The following CNNM2 variants were observed in gnomAD, a reference collection of about 807,000 sequenced individuals.
The protein encoded by CNNM2 is cyclin and CBS domain divalent metal cation transport mediator 2.
A neutral mutation model predicts 66.9 loss-of-function variants in CNNM2; 12 were observed. That is an observed-to-expected ratio of 0.18 (90% CI 0.11 to 0.29). The LOEUF (loss-of-function observed/expected upper bound fraction) is 0.29, where lower values mean the gene tolerates loss of function less well. CNNM2 is among the 10% of genes least tolerant of loss of function. CNNM2 has a pLI of 1.00. For missense variants in CNNM2, 705 were observed against 1,167.7 expected (o/e 0.60, Z 5.77); for synonymous variants, 557 against 501.8 (o/e 1.11, Z -1.47).
intron 1 of CNNM2, among the ~76,000 whole-genome samples, chr10:103,035,172 C>T (rs2064912522): frequency 6.6e-6 from 1 of 151,974 alleles, no homozygotes; most frequent in South Asian, 2.1e-4. Context: ...TTCTACTAAA[C>T]GGACTACTAA....
intron 1 of CNNM2, among the ~76,000 whole-genome samples, chr10:103,000,150 C>T (rs1169669051): frequency 1.3e-5 from 2 of 151,874 alleles, no homozygotes; most frequent in Non-Finnish European, 2.9e-5. Flanking sequence ...GCAGGAGACT[C>T]GCTTGAACCT....
chr10:102,983,095 G>T (rs1277350347), intron 1 of CNNM2, among the ~76,000 whole-genome samples: 2 of 151,838 alleles, frequency 1.3e-5, no homozygotes, highest in Non-Finnish European at 2.9e-5. Flanking sequence ...CTTTGATATT[G>T]ATTTTAATTG....
chr10:103,018,686 C>CTTTTTTTTTTTTTTTT (rs370000130), intron 1 of CNNM2, among the ~76,000 whole-genome samples: 4 of 116,294 alleles, frequency 3.4e-5, no homozygotes, highest in East Asian at 2.4e-4. Context: ...CTCTTCTTTC[C>CTTTTTTTTTTTTTTTT]TTTTTTTTTT....
chr10:102,980,067 C>G (rs2063695802), intron 1 of CNNM2, among the ~76,000 whole-genome samples: 1 of 152,060 alleles, frequency 6.6e-6, no homozygotes, highest in Admixed American at 6.5e-5. Flanking sequence ...GCACGTGCCA[C>G]CAAGCCCAGC....
intron 1 of CNNM2, 52 bp from the exon 2 acceptor site, chr10:103,049,655 T>G (rs2065184646): frequency 6.4e-7 from 1 of 1,555,560 alleles, no homozygotes; most frequent in Non-Finnish European, 8.8e-7. Context: ...ATATAACATG[T>G]CATTCAGAAA....
intron 4 of CNNM2, among the ~76,000 whole-genome samples, chr10:103,065,606 C>T (rs776087457): frequency 6.6e-6 from 1 of 152,146 alleles, no homozygotes; most frequent in African/African-American, 2.4e-5. Flanking sequence ...CACAAAAGGC[C>T]CTGTAACTTG....
chr10:102,956,886 G>A (rs1438709160), intron 1 of CNNM2, among the ~76,000 whole-genome samples: 1 of 152,158 alleles, frequency 6.6e-6, no homozygotes, highest in Non-Finnish European at 1.5e-5. Flanking sequence ...TAATGTAAAC[G>A]ACGAGTTAAT....
chr10:103,074,923 G>A (rs1244525408), intron 6 of CNNM2, among the ~76,000 whole-genome samples: 2 of 152,172 alleles, frequency 1.3e-5, no homozygotes, highest in South Asian at 2.1e-4. Context: ...GTTTTAAGAC[G>A]GTGATGGGGT....
chr10:103,032,717 CCTA>C (rs2064852391), intron 1 of CNNM2, among the ~76,000 whole-genome samples: 1 of 140,882 alleles, frequency 7.1e-6, no homozygotes, highest in South Asian at 2.2e-4. Context: ...CTGATAGAAT[CCTA>C]CTATATCCAC....
intron 1 of CNNM2, among the ~76,000 whole-genome samples, chr10:103,014,711 A>C (rs1022051677): frequency 6.6e-6 from 1 of 152,094 alleles, no homozygotes; most frequent in African/African-American, 2.4e-5. Context: ...TTTACATTTG[A>C]CAGATGAAAT....
chr10:102,950,532 C>G (rs892050452), intron 1 of CNNM2, among the ~76,000 whole-genome samples: 1 of 151,892 alleles, frequency 6.6e-6, no homozygotes. Flanking sequence ...AGGCTTGAGG[C>G]GGGAGGATTG....
At chr10:103,050,417 A>G (rs2065196530) in intron 2 of CNNM2, among the ~76,000 whole-genome samples, 1 of 151,978 alleles carries the variant, frequency 6.6e-6, no homozygotes, top group African/African-American at 2.4e-5. Flanking sequence ...CATGCCTGTA[A>G]TTCCAGCTAC....
At chr10:103,002,540 C>T (rs947764491) in intron 1 of CNNM2, among the ~76,000 whole-genome samples, 10 of 144,882 alleles carry the variant, frequency 6.9e-5, no homozygotes, top group African/African-American at 1.3e-4. Context: ...AGTGCAATGG[C>T]GTGATCTTGG....
chr10:102,943,525 G>A (rs536572494), intron 1 of CNNM2, among the ~76,000 whole-genome samples: 234 of 152,224 alleles, frequency 1.5e-3, no homozygotes, highest in African/African-American at 5.1e-3. Context: ...ATATCTATAT[G>A]CATCTAATTT....
chr10:103,012,964 G>A (rs1311751518), intron 1 of CNNM2, among the ~76,000 whole-genome samples: 2 of 152,066 alleles, frequency 1.3e-5, no homozygotes, highest in East Asian at 3.9e-4. Flanking sequence ...TATGAAATAA[G>A]TAAGCCTTTT....
intron 1 of CNNM2, among the ~76,000 whole-genome samples, chr10:102,964,407 T>G (rs2063428907): frequency 6.6e-6 from 1 of 152,090 alleles, no homozygotes; most frequent in Non-Finnish European, 1.5e-5. Flanking sequence ...TTTTGTATTT[T>G]TAGTGGAGAC....
chr10:102,968,083 T>A (rs1304024977), intron 1 of CNNM2, among the ~76,000 whole-genome samples: 2 of 151,610 alleles, frequency 1.3e-5, no homozygotes. Context: ...TGGAGATACT[T>A]AAGAGTGAAG....
chr10:102,929,704 T>C (rs1846002353), intron 1 of CNNM2, among the ~76,000 whole-genome samples: 1 of 152,204 alleles, frequency 6.6e-6, no homozygotes, highest in Non-Finnish European at 1.5e-5. Flanking sequence ...GTTTATCCGC[T>C]CATCCGTTGA....
At chr10:102,920,158 T>C in intron 1 of CNNM2, 57 bp downstream of exon 1, 1 of 1,613,398 alleles carries the variant, frequency 6.2e-7, no homozygotes, top group African/African-American at 1.3e-5. Context: ...TCCTCCTCCC[T>C]ACTTGAGTCC....
Sources: gnomAD v4.1 joint callset for allele counts (sites outside exome capture counted in the v4.1 genomes callset) on GRCh38, gnomAD v4.1.1 for gene constraint, MANE v1.5 for transcripts, NCBI Gene and HGNC (gene_info 2026-07-23, HGNC 2026-07-21) for gene names.